Variants in IQCJ observed in about 807,000 individuals in gnomAD.
The protein encoded by IQCJ is IQ domain-containing protein J.
A neutral mutation model predicts 11.0 loss-of-function variants in IQCJ; 9 were observed. The observed-to-expected ratio is 0.82, with a 90% CI of 0.49 to 1.43. The LOEUF is 1.43. IQCJ is among the 40% of genes most tolerant of loss of function. The pLI is 0.00. For missense variants in IQCJ, 146 were observed against 133.2 expected, an observed-to-expected ratio of 1.10 and a Z score of -0.47; for synonymous variants, 55 against 51.3, an observed-to-expected ratio of 1.07 and a Z score of -0.31.
At chr3:159,251,471 T>C (rs1035243564) in intron 2 of IQCJ, among the ~76,000 whole-genome samples, 2 of 151,620 alleles carry the variant, frequency 1.3e-5, no homozygotes, top group Admixed American at 6.6e-5. Context: ...GTGAAAAGCT[T>C]TTCACACTGT....
chr3:159,095,035 T>G (rs1717629841), intron 1 of IQCJ, among the ~76,000 whole-genome samples: 3 of 151,980 alleles, frequency 2.0e-5, no homozygotes, highest in Admixed American at 6.5e-5. Context: ...ACCCAAGGAT[T>G]AGTTCTTGGT....
At chr3:159,093,529 T>A (rs557773343) in intron 1 of IQCJ, among the ~76,000 whole-genome samples, 1 of 151,944 alleles carries the variant, frequency 6.6e-6, no homozygotes, top group East Asian at 1.9e-4. Flanking sequence ...TCGAAACTGA[T>A]GTCACCATAA....
intron 1 of IQCJ, among the ~76,000 whole-genome samples, chr3:159,114,689 G>A (rs1718854795): frequency 1.3e-5 from 2 of 152,208 alleles, no homozygotes; most frequent in African/African-American, 2.4e-5. Flanking sequence ...AATGGAACTC[G>A]TAAGCTGGAG....
chr3:159,168,623 T>A (rs932373246), intron 1 of IQCJ, among the ~76,000 whole-genome samples: 1 of 152,154 alleles, frequency 6.6e-6, no homozygotes, highest in African/African-American at 2.4e-5. Flanking sequence ...CCTGTGTATG[T>A]CATTTCATCC....
intron 1 of IQCJ, among the ~76,000 whole-genome samples, chr3:159,206,051 C>G (rs1346056250): frequency 6.6e-6 from 1 of 152,128 alleles, no homozygotes. Context: ...TGCTTCCTGA[C>G]TGGGTAGAGA....
chr3:159,128,878 A>C (rs1436057288), intron 1 of IQCJ, among the ~76,000 whole-genome samples: 1 of 152,184 alleles, frequency 6.6e-6, no homozygotes, highest in Non-Finnish European at 1.5e-5. Context: ...CAAATGATGT[A>C]GCCCCTTGTT....
At chr3:159,186,898 C>T (rs910896641) in intron 1 of IQCJ, among the ~76,000 whole-genome samples, 4 of 152,090 alleles carry the variant, frequency 2.6e-5, no homozygotes, top group African/African-American at 9.7e-5. Flanking sequence ...AATCATATGG[C>T]TAGGTTTCTG....
intron 1 of IQCJ, among the ~76,000 whole-genome samples, chr3:159,166,458 G>C (rs928139436): frequency 4.6e-5 from 7 of 152,170 alleles, no homozygotes; most frequent in Non-Finnish European, 8.8e-5. Flanking sequence ...TGTCTTTGGA[G>C]TTAAAATTAT....
intron 1 of IQCJ, among the ~76,000 whole-genome samples, chr3:159,084,283 A>G (rs938122433): frequency 3.3e-5 from 5 of 152,022 alleles, no homozygotes; most frequent in Admixed American, 1.3e-4. Flanking sequence ...TGAGTGTACT[A>G]AAAGAAGATA....
intron 1 of IQCJ, among the ~76,000 whole-genome samples, chr3:159,211,472 T>G (rs1724946270): frequency 6.6e-6 from 1 of 152,220 alleles, no homozygotes; most frequent in Non-Finnish European, 1.5e-5. Flanking sequence ...CTCTCAAAGG[T>G]GTCCCTCACA....
intron 1 of IQCJ, among the ~76,000 whole-genome samples, chr3:159,165,198 G>A (rs1722095808): frequency 6.6e-6 from 1 of 152,178 alleles, no homozygotes; most frequent in Admixed American, 6.5e-5. Context: ...AGCATCACTA[G>A]GGACACATAC....
chr3:159,208,076 G>C (rs575776090), intron 1 of IQCJ, among the ~76,000 whole-genome samples: 1 of 152,014 alleles, frequency 6.6e-6, no homozygotes, highest in East Asian at 1.9e-4. Flanking sequence ...TTAGAAGGGA[G>C]AAAAAAAATG....
intron 1 of IQCJ, among the ~76,000 whole-genome samples, chr3:159,102,874 A>G (rs1282606206): frequency 1.3e-5 from 2 of 152,200 alleles, no homozygotes; most frequent in African/African-American, 4.8e-5. Context: ...CCCCACTCAG[A>G]TGAACCAGGG....
intron 1 of IQCJ, among the ~76,000 whole-genome samples, chr3:159,205,204 A>G (rs925858100): frequency 1.3e-5 from 2 of 152,224 alleles, no homozygotes; most frequent in African/African-American, 2.4e-5. Context: ...GGATTCACAG[A>G]ACTCACTGAA....
At chr3:159,240,488 T>A (rs1726855166) in intron 1 of IQCJ, among the ~76,000 whole-genome samples, 1 of 152,220 alleles carries the variant, frequency 6.6e-6, no homozygotes, top group South Asian at 2.1e-4. Flanking sequence ...TGAGTTGTTA[T>A]TATTGATGAA....
At chr3:159,079,595 A>G (rs990275083) in intron 1 of IQCJ, among the ~76,000 whole-genome samples, 1 of 152,156 alleles carries the variant, frequency 6.6e-6, no homozygotes, top group Non-Finnish European at 1.5e-5. Flanking sequence ...TCATTTTGGT[A>G]TATAGCCATT....
chr3:159,075,573 T>G (rs1031192963), intron 1 of IQCJ, among the ~76,000 whole-genome samples: 3 of 152,040 alleles, frequency 2.0e-5, no homozygotes, highest in African/African-American at 7.2e-5. Flanking sequence ...CGTAAGCCAA[T>G]GAGTATAAAT....
chr3:159,124,324 C>T (rs1419215537), intron 1 of IQCJ, among the ~76,000 whole-genome samples: 1 of 152,178 alleles, frequency 6.6e-6, no homozygotes. Context: ...TAATGTCTTT[C>T]AAACCAATGT....
At chr3:159,076,605 C>A (rs1339513643) in intron 1 of IQCJ, among the ~76,000 whole-genome samples, 1 of 152,124 alleles carries the variant, frequency 6.6e-6, no homozygotes, top group Admixed American at 6.6e-5. Context: ...CAGTGCACAT[C>A]CCCTTGCTGT....
Sources: allele counts gnomAD v4.1 joint callset (sites outside exome capture counted in the v4.1 genomes callset), GRCh38; gene constraint gnomAD v4.1.1; transcripts MANE v1.5; gene names NCBI Gene and HGNC (gene_info 2026-07-23, HGNC 2026-07-21).